The following PCDH7 variants were observed in gnomAD, a reference collection of about 807,000 sequenced individuals.
PCDH7 encodes the protein protocadherin-7.
Under a neutral mutation model 58.9 loss-of-function variants are expected in PCDH7, and 17 were observed. That is an observed-to-expected ratio of 0.29 (90% CI 0.20 to 0.43). The LOEUF (loss-of-function observed/expected upper bound fraction) is 0.43, where lower values mean the gene tolerates loss of function less well. Ranked by LOEUF, PCDH7 falls within the 20% of genes least tolerant of loss-of-function variation. PCDH7 has a pLI of 1.00. For missense variants in PCDH7, 1,274 were observed against 1,441.0 expected (o/e 0.88, Z 1.88); for synonymous variants, 664 against 616.4 (o/e 1.08, Z -1.14).
chr4:30,730,641 T>C (rs936624683), intron 1 of PCDH7: 10 of 714,368 alleles, frequency 1.4e-5, no homozygotes, highest in Middle Eastern at 2.7e-4. Flanking sequence ...ATTAAAATTT[T>C]TCTTAGCTCC....
intron 3 of PCDH7, among the ~76,000 whole-genome samples, chr4:31,062,674 C>T (rs1227214428): frequency 6.6e-6 from 1 of 151,792 alleles, no homozygotes; most frequent in Non-Finnish European, 1.5e-5. Flanking sequence ...TCTCCTCACA[C>T]TCTTTCTTCA....
At position 30,722,445 on chromosome 4, in the gene PCDH7, G is replaced by A. The variant is rs1393070378; in HGVS notation, c.1023G>A (p.Gly341=). The change falls in exon 1 of 2, where the codon GGG becomes GGA. Residue 341 remains glycine, a synonymous_variant. Coordinates refer to ENST00000361762, the Ensembl canonical transcript of PCDH7. The surrounding 1 kb of genome is among the most constrained non-coding windows in gnomAD (Gnocchi z 7.6). ...CCGACTTGGACGTGGGGGTCAACGG[G>A]CAGATCGAATACGTGTTCGGGGCGG... The A allele has an allele frequency of 1.9e-6, 3 of 1,612,212 alleles. No homozygotes were observed. The highest frequency in any genetic ancestry group is 1.7e-5 in the Admixed American group (1 of 59,948).
At chr4:30,912,718 G>T (rs2109406677) in intron 1 of PCDH7, among the ~76,000 whole-genome samples, 1 of 152,252 alleles carries the variant, frequency 6.6e-6, no homozygotes, top group Non-Finnish European at 1.5e-5. Context: ...CTTTCCAATA[G>T]ATGGCATCCT....
chr4:31,079,650 A>T (rs1304019422), intron 3 of PCDH7, among the ~76,000 whole-genome samples: 1 of 151,850 alleles, frequency 6.6e-6, no homozygotes, highest in Non-Finnish European at 1.5e-5. Context: ...ATAGCTGGTA[A>T]AGTTCTAGAT....
chr4:31,083,031 C>A (rs1364851822), intron 3 of PCDH7, among the ~76,000 whole-genome samples: 9 of 152,148 alleles, frequency 5.9e-5, no homozygotes, highest in Non-Finnish European at 1.2e-4. Flanking sequence ...TGGCGTGAAC[C>A]TGGGAGGTGG....
In PCDH7 at chr4:31,002,259, A is replaced by C. The variant is rs534863536; in HGVS notation, c.*7+52044A>C. 7.9e-5 allele frequency among the ~76,000 whole-genome samples: 12 copies of C among 152,312 alleles called. No individual in the cohort carries two copies. The South Asian group carries it at 2.5e-3, about 32-fold the overall frequency. ...GGTATATTAGCCTTTCAAAGGGATA[A>C]AATGATAAGCACTCAGGCACCATGG... On this transcript the variant is annotated intron_variant, in intron 3 of 3. Coordinates refer to the PCDH7 transcript ENST00000509759.
exon 2 of PCDH7, chr4:30,732,773 A>G (rs1332239746): frequency 6.6e-6 from 1 of 152,136 alleles, no homozygotes; most frequent in Non-Finnish European, 1.5e-5. Context: ...GCTATTTACT[A>G]TTATGACTGG....
At chr4:30,755,596 T>A (rs934579023) in intron 1 of PCDH7, among the ~76,000 whole-genome samples, 11 of 152,158 alleles carry the variant, frequency 7.2e-5, no homozygotes, top group African/African-American at 2.2e-4. Flanking sequence ...GTAGTTATCA[T>A]AACAAGCCTG....
rs1553852435 is a variant in PCDH7, at chr4:31,106,021, A to ATAT, written c.*8-36452_*8-36451insTAT. Among the ~76,000 whole-genome samples the ATAT allele has an allele frequency of 3.1e-3, 312 of 100,594 alleles. 4 individuals carry two copies. The East Asian group carries it at 0.032, about 10-fold the overall frequency. 66.0% of individuals were successfully genotyped at this position (100,594 alleles called of 152,430 possible). On this transcript the variant is annotated intron_variant, in intron 3 of 3. Transcript: ENST00000509759. ...GATTATGTCTCAAAAAAAGAAAAAA[A>ATAT]AAATATATATATATATGTATATATA...
chr4:31,082,732 A>C (rs1018238680), intron 3 of PCDH7, among the ~76,000 whole-genome samples: 2 of 151,744 alleles, frequency 1.3e-5, no homozygotes, highest in Non-Finnish European at 2.9e-5. Context: ...CTATGAGTTC[A>C]CAAAGGCATA....
At chr4:31,076,870 C>A (rs991181759) in intron 3 of PCDH7, among the ~76,000 whole-genome samples, 1 of 152,054 alleles carries the variant, frequency 6.6e-6, no homozygotes, top group African/African-American at 2.4e-5. Flanking sequence ...AAAATCTTTG[C>A]ACACTTAGGA....
At chr4:31,123,747 C>T (rs187674110) in intron 3 of PCDH7, among the ~76,000 whole-genome samples, 15 of 152,188 alleles carry the variant, frequency 9.9e-5, no homozygotes, top group Admixed American at 2.6e-4. Context: ...CCAGGTCCCA[C>T]GAACAGATTG....
intron 3 of PCDH7, among the ~76,000 whole-genome samples, chr4:30,956,854 G>A (rs1490126259): frequency 1.3e-5 from 2 of 152,094 alleles, no homozygotes; most frequent in Non-Finnish European, 2.9e-5. Context: ...TGCACTACTT[G>A]TCTTGAATCA....
intron 1 of PCDH7, among the ~76,000 whole-genome samples, chr4:30,820,681 A>G (rs2109321139): frequency 6.6e-6 from 1 of 152,266 alleles, no homozygotes; most frequent in Admixed American, 6.5e-5. Flanking sequence ...ATAAATGATG[A>G]TCAGACTATA....
At chr4:30,986,849 T>C (rs1054027114) in intron 3 of PCDH7, among the ~76,000 whole-genome samples, 3 of 151,754 alleles carry the variant, frequency 2.0e-5, no homozygotes, top group South Asian at 2.1e-4. Context: ...AGTGTGGTGG[T>C]GGGCGCCTGT....
At chr4:30,992,793 CTTT>C (rs577504420) in intron 3 of PCDH7, among the ~76,000 whole-genome samples, 45 of 95,644 alleles carry the variant, frequency 4.7e-4, no homozygotes, top group East Asian at 1.5e-3. Flanking sequence ...CTGTCCCATT[CTTT>C]TTTTTTTTTT....
At chr4:30,906,842 G>A (rs1449382644) in intron 1 of PCDH7, among the ~76,000 whole-genome samples, 1 of 152,008 alleles carries the variant, frequency 6.6e-6, no homozygotes, top group Non-Finnish European at 1.5e-5. Flanking sequence ...GGCCAACATG[G>A]TGAAACCCTG....
At chr4:31,146,642 G>A (rs1720697697), downstream of PCDH7, 1 of 152,070 alleles carries the variant, frequency 6.6e-6, no homozygotes, top group Non-Finnish European at 1.5e-5. Flanking sequence ...GAGTCACTAT[G>A]CACGCAACTA....
At chr4:30,744,855 G>T (rs147003175) in intron 1 of PCDH7, among the ~76,000 whole-genome samples, 5 of 152,148 alleles carry the variant, frequency 3.3e-5, no homozygotes, top group Non-Finnish European at 7.3e-5. Context: ...GTCAATCCTA[G>T]AACCAGTTAA....
Sources: gnomAD v4.1 joint callset for allele counts (sites outside exome capture counted in the v4.1 genomes callset) on GRCh38, gnomAD v4.1.1 for gene constraint, Gnocchi (gnomAD v3.1) non-coding constraint, MANE v1.5 for transcripts, NCBI Gene and HGNC (gene_info 2026-07-23, HGNC 2026-07-21) for gene names.